Variants in SYNE2 observed in about 807,000 individuals in gnomAD.
SYNE2 encodes spectrin repeat containing nuclear envelope protein 2, also known as nesprin-2.
A neutral mutation model predicts 856.3 loss-of-function variants in SYNE2; 431 were observed. The ratio of observed to expected loss-of-function variants is 0.50; its 90% CI spans 0.47 to 0.55. SYNE2 has a LOEUF of 0.55. SYNE2 is among the 20% of genes least tolerant of loss of function. The pLI, the probability that SYNE2 is intolerant of heterozygous loss-of-function variation, is 0.00. For missense variants in SYNE2, 8,129 were observed against 8,023.2 expected, an observed-to-expected ratio of 1.01 and a Z score of -0.50; for synonymous variants, 2,923 against 2,872.3, an observed-to-expected ratio of 1.02 and a Z score of -0.56.
At chr14:64,029,145 ATAAT>A (rs1261716428) in intron 43 of SYNE2, among the ~76,000 whole-genome samples, 2 of 152,132 alleles carry the variant, frequency 1.3e-5, no homozygotes, top group African/African-American at 4.8e-5. Context: ...AAAAAAAATA[ATAAT>A]TAAGAGGTAA....
At chr14:64,192,149 A>T (rs1411657968) in intron 99 of SYNE2, among the ~76,000 whole-genome samples, 1 of 152,218 alleles carries the variant, frequency 6.6e-6, no homozygotes, top group Non-Finnish European at 1.5e-5. Context: ...GAGGCCTGCA[A>T]CTGGACTACC....
intron 1 of SYNE2, among the ~76,000 whole-genome samples, chr14:63,846,561 T>A (rs139356020): frequency 9.3e-4 from 126 of 135,454 alleles, no homozygotes; most frequent in Non-Finnish European, 1.6e-3. Flanking sequence ...AGTAGGGCAC[T>A]TTATTTATTC....
In SYNE2 at chr14:64,225,307, C is replaced by G; in HGVS notation, c.20517-12C>G. On this transcript the variant is annotated splice_polypyrimidine_tract_variant and intron_variant, in intron 115 of 115. Coordinates refer to ENST00000555002, the MANE Select transcript of SYNE2 (RefSeq NM_182914.3). ...AGCCTCCCAATCAGCTCTCAACCTC[C>G]TCTGTTGGCAGGGTCCCCGGCAGCA... 1 of 1,614,112 alleles carries G rather than the reference C, an allele frequency of 6.2e-7. No homozygotes were observed. The highest frequency in any genetic ancestry group is 1.3e-5 in the African/African-American group (1 of 75,034).
intron 67 of SYNE2, among the ~76,000 whole-genome samples, 168 bp from the exon 68 acceptor site, chr14:64,120,759 A>G (rs2097892220): frequency 6.6e-6 from 1 of 152,114 alleles, no homozygotes; most frequent in Admixed American, 6.5e-5. Context: ...GCGAAACTCC[A>G]TCTCAAAAAA....
intron 2 of SYNE2, among the ~76,000 whole-genome samples, chr14:63,913,357 A>G (rs2095495779): frequency 6.6e-6 from 1 of 152,158 alleles, no homozygotes; most frequent in Non-Finnish European, 1.5e-5. Flanking sequence ...GTGGGTTTCT[A>G]TAAAACTGGA....
chr14:63,814,956 A>ATC (rs1183770056), intron 1 of SYNE2, among the ~76,000 whole-genome samples: 12 of 93,406 alleles, frequency 1.3e-4, no homozygotes, highest in East Asian at 9.9e-4. Flanking sequence ...CTATCCATAT[A>ATC]TATCCATATA....
intron 6 of SYNE2, among the ~76,000 whole-genome samples, chr14:63,948,806 A>ATGTGTG (rs1566885132): frequency 2.9e-5 from 3 of 102,770 alleles, no homozygotes; most frequent in Admixed American, 1.0e-4. Flanking sequence ...ATATATATAT[A>ATGTGTG]TATATATATA....
intron 1 of SYNE2, among the ~76,000 whole-genome samples, chr14:63,798,686 G>A (rs4243627): frequency 0.63 from 96,067 of 151,860 alleles, 30,840 homozygotes; most frequent in South Asian, 0.75. Flanking sequence ...GAGCCACCAC[G>A]CCTGGCCTGA....
intron 32 of SYNE2, among the ~76,000 whole-genome samples, chr14:64,014,200 T>C (rs753094851): frequency 6.6e-6 from 1 of 152,210 alleles, no homozygotes; most frequent in Non-Finnish European, 1.5e-5. Context: ...CATATATTGA[T>C]AGTTTGTTCC....
intron 35 of SYNE2, 129 bp from the exon 36 acceptor site, chr14:64,021,186 G>C: frequency 1.3e-6 from 1 of 770,570 alleles, no homozygotes; most frequent in East Asian, 2.7e-5. Context: ...ATAGAAAAAC[G>C]TAGAGCAATG....
At chr14:63,780,218 T>G (rs1279669070) in intron 1 of SYNE2, among the ~76,000 whole-genome samples, 1 of 152,098 alleles carries the variant, frequency 6.6e-6, no homozygotes, top group Non-Finnish European at 1.5e-5. Flanking sequence ...TGTACTATAT[T>G]TATACAATGG....
intron 66 of SYNE2, among the ~76,000 whole-genome samples, chr14:64,115,227 G>T (rs1224414537): frequency 6.6e-6 from 1 of 152,188 alleles, no homozygotes; most frequent in Non-Finnish European, 1.5e-5. Context: ...TCAAGGAAAA[G>T]ACATGACTAC....
At chr14:64,211,832 T>C (rs1165904168) in intron 103 of SYNE2, 129 bp from the exon 104 acceptor site, 1 of 1,371,976 alleles carries the variant, frequency 7.3e-7, no homozygotes, top group Non-Finnish European at 1.0e-6. Flanking sequence ...GCTTTCTGGG[T>C]ACCCTAGAGG....
At chr14:64,161,366 A>G (rs1037537488) in intron 87 of SYNE2, among the ~76,000 whole-genome samples, 1 of 152,118 alleles carries the variant, frequency 6.6e-6, no homozygotes, top group Non-Finnish European at 1.5e-5. Flanking sequence ...AAAGTAGGGA[A>G]GAAAGGCAAG....
At chr14:64,121,137 C>G in intron 68 of SYNE2, 76 bp downstream of exon 68, 1 of 1,594,676 alleles carries the variant, frequency 6.3e-7, no homozygotes, top group Non-Finnish European at 8.6e-7. Context: ...AACCTACAGT[C>G]CTAGCTACTT....
chr14:63,879,538 A>G (rs2094809713), intron 1 of SYNE2, among the ~76,000 whole-genome samples: 1 of 152,204 alleles, frequency 6.6e-6, no homozygotes, highest in Non-Finnish European at 1.5e-5. Context: ...GGTGTATCCT[A>G]TGAAGGAAGC....
chr14:64,075,647 A>T, intron 53 of SYNE2: 1 of 338,698 alleles, frequency 3.0e-6, no homozygotes, highest in African/African-American at 2.1e-5. Context: ...CAGGACTGCA[A>T]TGGAGATACA....
intron 64 of SYNE2, 70 bp downstream of exon 64, chr14:64,102,112 C>A: frequency 1.8e-6 from 2 of 1,120,052 alleles, no homozygotes; most frequent in Non-Finnish European, 2.7e-6. Flanking sequence ...TCTCTTTCTG[C>A]ACGACTTTCT....
chr14:64,206,421 TG>T (rs1053738583), intron 100 of SYNE2, among the ~76,000 whole-genome samples: 1 of 152,242 alleles, frequency 6.6e-6, no homozygotes. Context: ...AGCACTTAAA[TG>T]GTCTGCATTT....
Sources: gnomAD v4.1 joint callset for allele counts (sites outside exome capture counted in the v4.1 genomes callset) on GRCh38, gnomAD v4.1.1 for gene constraint, MANE v1.5 for transcripts, NCBI Gene and HGNC (gene_info 2026-07-23, HGNC 2026-07-21) for gene names.